The following LRRC7 variants were observed in gnomAD, a reference collection of about 807,000 sequenced individuals.
The protein encoded by LRRC7 is leucine-rich repeat-containing protein 7.
Under a neutral mutation model 175.7 loss-of-function variants are expected in LRRC7, and 23 were observed. The observed-to-expected ratio is 0.13, with a 90% CI of 0.09 to 0.19. The LOEUF (loss-of-function observed/expected upper bound fraction) is 0.19, where lower values mean the gene tolerates loss of function less well. Ranked by LOEUF, LRRC7 falls within the 10% of genes least tolerant of loss-of-function variation. LRRC7 has a pLI of 1.00. For synonymous variants in LRRC7, 685 were observed against 680.9 expected (o/e 1.01, Z -0.09); for missense variants, 1,354 against 1,904.7 (o/e 0.71, Z 5.38).
intron 7 of LRRC7, among the ~76,000 whole-genome samples, chr1:69,852,662 A>T (rs1027742803): frequency 2.0e-5 from 3 of 152,168 alleles, no homozygotes; most frequent in Non-Finnish European, 4.4e-5. Flanking sequence ...CTTTTCGGTT[A>T]TATGTGGACT....
intron 24 of LRRC7, 30 bp downstream of exon 24, chr1:70,076,328 T>A (rs1240316020): frequency 5.6e-6 from 9 of 1,603,622 alleles, no homozygotes. Flanking sequence ...TACTGAAAAA[T>A]CTTCAGGTAA....
Position 69,760,306 on chromosome 1 carries a change from T to G in LRRC7, c.216T>G (p.Leu72=), listed in dbSNP as rs758352734. Reference sequence around the variant, plus strand: ...TTTTAGATTACTCCCACTGCAGTCTTCAGCAGGTGCCAAAGGAGGTCTTTA... The same window carrying G: ...TTTTAGATTACTCCCACTGCAGTCTGCAGCAGGTGCCAAAGGAGGTCTTTA... ...ISVLDYSHCS[L]QQVPKEVFNF... is the part of the protein sequence containing the mutation. The change falls in exon 3 of 27, where the codon CTT becomes CTG. Residue 72 remains leucine, a synonymous_variant. Transcript: ENST00000651989. The G allele has an allele frequency of 1.2e-6, 2 of 1,612,874 alleles. No individual in the cohort carries two copies. The highest frequency in any genetic ancestry group is 2.2e-5 in the South Asian group (2 of 91,050).
At position 69,947,455 on chromosome 1, in the gene LRRC7, T is replaced by C. The variant is rs75555529; in HGVS notation, c.711+15885T>C. On this transcript the variant is annotated intron_variant, in intron 8 of 26. Transcript: ENST00000651989. ...GGTATATTTTGGGCTTACCATAAGG[T>C]GCTTATAAAATATATTATAGTTATA... Among the ~76,000 whole-genome samples the C allele has an allele frequency of 8.2e-3, 1,244 of 152,198 alleles. 14 individuals are homozygous for C. The highest frequency in any genetic ancestry group is 0.027 in the African/African-American group (1,139 of 41,548).
intron 7 of LRRC7, among the ~76,000 whole-genome samples, chr1:69,902,349 C>G (rs924556650): frequency 7.9e-5 from 12 of 152,168 alleles, no homozygotes; most frequent in African/African-American, 2.9e-4. Flanking sequence ...GTGGGCAGAT[C>G]ACTTGATTCC....
chr1:69,688,717 A>G (rs1661492941), intron 2 of LRRC7, among the ~76,000 whole-genome samples: 3 of 151,536 alleles, frequency 2.0e-5, no homozygotes, highest in Admixed American at 2.0e-4. Context: ...ATGATGTTAC[A>G]TCCCTATTCA....
At chr1:70,106,050 T>C (rs1665124401) in intron 25 of LRRC7, among the ~76,000 whole-genome samples, 1 of 152,122 alleles carries the variant, frequency 6.6e-6, no homozygotes. Flanking sequence ...GTCATTATGT[T>C]TACAGATCAG....
At chr1:69,838,482 C>T (rs1681364782) in intron 7 of LRRC7, among the ~76,000 whole-genome samples, 199 bp downstream of exon 7, 1 of 151,806 alleles carries the variant, frequency 6.6e-6, no homozygotes, top group South Asian at 2.1e-4. Context: ...ACTGTAATTA[C>T]AGGTAAAGGT....
intron 2 of LRRC7, among the ~76,000 whole-genome samples, chr1:69,705,313 G>T (rs1227101474): frequency 1.3e-5 from 2 of 152,118 alleles, no homozygotes; most frequent in East Asian, 3.9e-4. Flanking sequence ...GAGGGAAGAG[G>T]ACACTGGTAG....
chr1:70,039,315 C>T lies in LRRC7; in HGVS notation c.3491C>T (p.Ala1164Val). ...TCCCTGGTGAGCGCCACAGAAATGG[C>T]CATGTTTAGAAGGGTCAATGAGCCT... ...ADSLVSATEMAMFRRVNEPHE... is the reference protein window; with the variant it reads ...ADSLVSATEMVMFRRVNEPHE... Residue 1164 changes from alanine (A) to valine (V), a missense_variant, in exon 21 of 27, where the codon GCC becomes GTC. Coordinates refer to ENST00000651989, the MANE Select transcript of LRRC7 (RefSeq NM_001370785.2). 1.2e-6 allele frequency: 2 copies of T among 1,613,994 alleles called. No individual in the cohort carries two copies. Among genetic ancestry groups the T allele is most frequent in the Non-Finnish European group, 1.7e-6 (2 of 1,180,002 alleles).
chr1:69,947,724 C>G (rs1649487546), intron 8 of LRRC7, among the ~76,000 whole-genome samples: 1 of 151,962 alleles, frequency 6.6e-6, no homozygotes, highest in South Asian at 2.1e-4. Context: ...GGATATGCTT[C>G]AAAACCCACA....
intron 2 of LRRC7, among the ~76,000 whole-genome samples, chr1:69,702,816 T>C (rs537769950): frequency 3.9e-5 from 6 of 152,160 alleles, no homozygotes; most frequent in Non-Finnish European, 7.4e-5. Context: ...ATGTGAAATA[T>C]AGATAGTATC....
intron 7 of LRRC7, among the ~76,000 whole-genome samples, chr1:69,920,471 A>G (rs1191220489): frequency 6.6e-6 from 1 of 152,202 alleles, no homozygotes; most frequent in Non-Finnish European, 1.5e-5. Flanking sequence ...GAGATCATTA[A>G]TATTTATCCT....
At position 69,568,191 on chromosome 1, in the gene LRRC7, G is replaced by A. The variant is rs966656861; in HGVS notation, c.-449G>A. On this transcript the variant is annotated 5_prime_UTR_variant, in exon 1 of 27. Transcript: ENST00000651989. ...GGGGTTGTTACGGAGTTGGGTGCAG[G>A]ATTCGCCTTTCCTGCTTGTCTCTTC... Among the ~76,000 whole-genome samples the A allele has an allele frequency of 6.6e-6, 1 of 151,856 alleles. No homozygotes were observed. Among genetic ancestry groups the A allele is most frequent in the Non-Finnish European group, 1.5e-5 (1 of 67,958 alleles).
intron 21 of LRRC7, among the ~76,000 whole-genome samples, chr1:70,041,680 A>T (rs1238461459): frequency 6.6e-6 from 1 of 152,252 alleles, no homozygotes; most frequent in Admixed American, 6.5e-5. Flanking sequence ...CATATGTACA[A>T]TGACTAGTAA....
intron 10 of LRRC7, 152 bp from the exon 11 acceptor site, chr1:69,994,409 C>A: frequency 1.6e-6 from 1 of 633,680 alleles, no homozygotes; most frequent in Non-Finnish European, 2.8e-6. Context: ...TTAGACTACA[C>A]ACAAACGTCA....
At chr1:69,700,831 A>C (rs1211020242) in intron 2 of LRRC7, among the ~76,000 whole-genome samples, 1 of 152,184 alleles carries the variant, frequency 6.6e-6, no homozygotes, top group East Asian at 1.9e-4. Context: ...TTTATTTCTC[A>C]GCAGAGAAAT....
At position 69,994,641 on chromosome 1, in the gene LRRC7, C is replaced by T. The variant is rs1654755161; in HGVS notation, c.1004+8C>T. On this transcript the variant is annotated splice_region_variant and intron_variant, in intron 11 of 26. Coordinates refer to ENST00000651989, the MANE Select transcript of LRRC7 (RefSeq NM_001370785.2). ...ACCCAATACAATTGGAAAGTAAGTGCCAACTTTTCATTCCAGTCTGCCTCT... is the reference window on the plus strand; with the variant it reads ...ACCCAATACAATTGGAAAGTAAGTGTCAACTTTTCATTCCAGTCTGCCTCT... 1 of 1,595,866 alleles carries T rather than the reference C, an allele frequency of 6.3e-7. No individual in the cohort carries two copies. Among genetic ancestry groups the T allele is most frequent in the South Asian group, 1.1e-5 (1 of 90,370 alleles).
At chr1:69,942,268 T>A (rs1196698120) in intron 8 of LRRC7, among the ~76,000 whole-genome samples, 2 of 152,104 alleles carry the variant, frequency 1.3e-5, no homozygotes, top group East Asian at 1.9e-4. Context: ...TACAACTTCC[T>A]TTAAGCAAGC....
intron 3 of LRRC7, among the ~76,000 whole-genome samples, chr1:69,781,040 A>G (rs1673424805): frequency 6.6e-6 from 1 of 152,194 alleles, no homozygotes; most frequent in African/African-American, 2.4e-5. Context: ...AGTCATCTAC[A>G]TTTATGCCAT....
Sources: allele counts gnomAD v4.1 joint callset (sites outside exome capture counted in the v4.1 genomes callset), GRCh38; gene constraint gnomAD v4.1.1; transcripts MANE v1.5; gene names NCBI Gene and HGNC (gene_info 2026-07-23, HGNC 2026-07-21).